Variants in MCTP1 observed in about 807,000 individuals in gnomAD.
MCTP1 encodes multiple C2 and transmembrane domain-containing protein 1.
Under a neutral mutation model 120.6 loss-of-function variants are expected in MCTP1, and 69 were observed. That is an observed-to-expected ratio of 0.57 (90% CI 0.47 to 0.70). The LOEUF (loss-of-function observed/expected upper bound fraction) is 0.70. Among genes scored for constraint, MCTP1 ranks in the 30% least tolerant of loss-of-function variants. The pLI, the probability that MCTP1 is intolerant of heterozygous loss-of-function variation, is 0.00. For synonymous variants in MCTP1, 529 were observed against 493.1 expected, an observed-to-expected ratio of 1.07 and a Z score of -0.96; for missense variants, 1,203 against 1,248.8, an observed-to-expected ratio of 0.96 and a Z score of 0.55.
chr5:95,090,526 T>G (rs761983665), intron 1 of MCTP1, among the ~76,000 whole-genome samples: 7 of 152,184 alleles, frequency 4.6e-5, no homozygotes, highest in Non-Finnish European at 8.8e-5. Context: ...AGAGCAGGTA[T>G]GCAGTGCACA....
At chr5:95,088,736 A>G (rs1466156067) in intron 1 of MCTP1, among the ~76,000 whole-genome samples, 1 of 152,240 alleles carries the variant, frequency 6.6e-6, no homozygotes, top group Non-Finnish European at 1.5e-5. Context: ...TACTTTACCA[A>G]CATTAACTCA....
At chr5:94,885,047 T>G (rs747791854) in intron 12 of MCTP1, among the ~76,000 whole-genome samples, 3 of 152,146 alleles carry the variant, frequency 2.0e-5, no homozygotes, top group Non-Finnish European at 4.4e-5. Context: ...AGTGACACAT[T>G]CTATTAATTG....
At chr5:95,097,905 T>C (rs571541775) in intron 1 of MCTP1, among the ~76,000 whole-genome samples, 1 of 152,338 alleles carries the variant, frequency 6.6e-6, no homozygotes, top group Admixed American at 6.5e-5. Flanking sequence ...AGTTCCTTTT[T>C]TCACACAGTA....
At chr5:95,127,161 A>G (rs1281435972) in intron 1 of MCTP1, among the ~76,000 whole-genome samples, 1 of 152,176 alleles carries the variant, frequency 6.6e-6, no homozygotes, top group Non-Finnish European at 1.5e-5. Flanking sequence ...TGACAAATAA[A>G]ATATTCTTGA....
intron 1 of MCTP1, among the ~76,000 whole-genome samples, chr5:95,240,063 T>C (rs778497768): frequency 6.6e-6 from 1 of 152,104 alleles, no homozygotes; most frequent in Non-Finnish European, 1.5e-5. Flanking sequence ...TAAACTTTTA[T>C]AATATATATT....
At chr5:95,233,356 T>C (rs1755179125) in intron 1 of MCTP1, among the ~76,000 whole-genome samples, 2 of 149,406 alleles carry the variant, frequency 1.3e-5, no homozygotes, top group Non-Finnish European at 3.0e-5. Flanking sequence ...CGAGACGGAG[T>C]CTTGCTCTGT....
chr5:94,942,083 T>G (rs1817867143), intron 4 of MCTP1, among the ~76,000 whole-genome samples: 1 of 152,110 alleles, frequency 6.6e-6, no homozygotes, highest in Admixed American at 6.6e-5. Context: ...TATCTCTCGA[T>G]TCCTGGTGCT....
intron 17 of MCTP1, among the ~76,000 whole-genome samples, chr5:94,853,748 CT>C (rs780154462): frequency 2.6e-5 from 4 of 151,900 alleles, no homozygotes; most frequent in Non-Finnish European, 5.9e-5. Flanking sequence ...CAATTAAAAC[CT>C]TTTACACCTG....
intron 1 of MCTP1, among the ~76,000 whole-genome samples, chr5:95,023,549 T>G (rs542654436): frequency 1.3e-5 from 2 of 152,256 alleles, no homozygotes; most frequent in South Asian, 4.2e-4. Context: ...GAGAAGCAAC[T>G]CCAGGCCACC....
intron 19 of MCTP1, among the ~76,000 whole-genome samples, chr5:94,767,449 T>C (rs1278028091): frequency 6.6e-6 from 1 of 151,802 alleles, no homozygotes; most frequent in East Asian, 1.9e-4. Context: ...GGCATCCAAA[T>C]TGGAAAAAAA....
At chr5:95,116,605 AAATCT>A (rs1281717703) in intron 1 of MCTP1, among the ~76,000 whole-genome samples, 4 of 152,026 alleles carry the variant, frequency 2.6e-5, no homozygotes, top group Non-Finnish European at 5.9e-5. Flanking sequence ...GAATAGCATA[AAATCT>A]ATAAATTACT....
intron 1 of MCTP1, among the ~76,000 whole-genome samples, chr5:95,130,354 G>A (rs1377929014): frequency 6.6e-6 from 1 of 152,178 alleles, no homozygotes; most frequent in South Asian, 2.1e-4. Context: ...CATAAGCAAA[G>A]CACTGGTGCT....
chr5:94,914,830 A>G (rs962389381), intron 8 of MCTP1, among the ~76,000 whole-genome samples: 1 of 152,192 alleles, frequency 6.6e-6, no homozygotes, highest in African/African-American at 2.4e-5. Context: ...AATTGTTTAG[A>G]ATTTGTTGCG....
At chr5:94,871,539 A>G in intron 13 of MCTP1, 122 bp from the exon 14 acceptor site, 1 of 672,070 alleles carries the variant, frequency 1.5e-6, no homozygotes. Context: ...TGCTATTTGC[A>G]TACACACATA....
intron 2 of MCTP1, among the ~76,000 whole-genome samples, chr5:94,957,194 T>A (rs112374369): frequency 0.012 from 1,835 of 152,132 alleles, 35 homozygotes; most frequent in African/African-American, 0.042. Context: ...AGAAATAAAA[T>A]CCTTTACAGA....
chr5:95,201,005 T>C (rs143892828), intron 1 of MCTP1, among the ~76,000 whole-genome samples: 12 of 152,240 alleles, frequency 7.9e-5, no homozygotes, highest in African/African-American at 2.9e-4. Flanking sequence ...AATGTAAGCA[T>C]GTAGAAGAAT....
At chr5:94,886,312 A>G (rs1447673935) in intron 12 of MCTP1, among the ~76,000 whole-genome samples, 1 of 152,250 alleles carries the variant, frequency 6.6e-6, no homozygotes, top group Non-Finnish European at 1.5e-5. Flanking sequence ...TTTGAAAGGG[A>G]AAAATTCTTT....
At chr5:94,763,757 CCTTTATCTGAGGTTGAG>C (rs1327630878) in intron 19 of MCTP1, among the ~76,000 whole-genome samples, 1 of 152,078 alleles carries the variant, frequency 6.6e-6, no homozygotes, top group Non-Finnish European at 1.5e-5. Context: ...AACAGTTCAA[CCTTTATCTGAGGTTGAG>C]CTTTAAGTAA....
chr5:95,086,693 A>G (rs1293792024), intron 1 of MCTP1, among the ~76,000 whole-genome samples: 1 of 152,228 alleles, frequency 6.6e-6, no homozygotes, highest in Non-Finnish European at 1.5e-5. Flanking sequence ...CAAGTTATTC[A>G]TTTGAAGAAA....
Sources: allele counts gnomAD v4.1 joint callset (sites outside exome capture counted in the v4.1 genomes callset), GRCh38; gene constraint gnomAD v4.1.1; transcripts MANE v1.5; gene names NCBI Gene and HGNC (gene_info 2026-07-23, HGNC 2026-07-21).